TMPRSS9: variants seen among roughly 807,000 people sequenced by gnomAD.
TMPRSS9 encodes transmembrane serine protease 9.
A neutral mutation model predicts 111.4 loss-of-function variants in TMPRSS9; 113 were observed. That is an observed-to-expected ratio of 1.01 (90% CI 0.87 to 1.19). The LOEUF (loss-of-function observed/expected upper bound fraction) is 1.19. TMPRSS9 is among the 50% of genes most tolerant of loss of function. The probability of loss-of-function intolerance (pLI) is 0.00; values close to 1 mark genes in which losing one functional copy is unlikely to be tolerated. For synonymous variants in TMPRSS9, 805 were observed against 659.1 expected, an observed-to-expected ratio of 1.22 and a Z score of -3.39; for missense variants, 1,803 against 1,513.1, an observed-to-expected ratio of 1.19 and a Z score of -3.18.
chr19:2,366,856 CAAAAA>C (rs769704683), intron 1 of TMPRSS9, among the ~76,000 whole-genome samples: 1 of 61,340 alleles, frequency 1.6e-5, no homozygotes. Flanking sequence ...GACTCCATTT[CAAAAA>C]AAAAAAAAAA....
exon 16 of TMPRSS9, chr19:2,425,246 T>A (rs1206409609): frequency 7.2e-7 from 1 of 1,397,954 alleles, no homozygotes; most frequent in South Asian, 1.4e-5. Flanking sequence ...CATCACCGGC[T>A]GGGGCTCGGT....
At chr19:2,407,420 G>C (rs1172182510) in intron 7 of TMPRSS9, among the ~76,000 whole-genome samples, 1 of 151,542 alleles carries the variant, frequency 6.6e-6, no homozygotes, top group Non-Finnish European at 1.5e-5. Context: ...CCAGTTACTT[G>C]GGAGGCTGAG....
At chr19:2,395,204 G>A (rs1599290185) in intron 1 of TMPRSS9, among the ~76,000 whole-genome samples, 1 of 152,172 alleles carries the variant, frequency 6.6e-6, no homozygotes, top group Admixed American at 6.6e-5. Context: ...GATCACCTGA[G>A]GTCAGGAGTT....
At chr19:2,408,495 G>A (rs1220564974) in exon 8 of TMPRSS9, 12 of 1,613,798 alleles carry the variant, frequency 7.4e-6, no homozygotes, top group Non-Finnish European at 1.0e-5. Flanking sequence ...CTTTGACGTG[G>A]CTGTGCTGGA....
At chr19:2,417,754 C>T (rs571884592) in intron 12 of TMPRSS9, among the ~76,000 whole-genome samples, 1 of 152,286 alleles carries the variant, frequency 6.6e-6, no homozygotes, top group East Asian at 1.9e-4. Flanking sequence ...GAATGGCCTC[C>T]TACACCTTAC....
Position 2,406,073 on chromosome 19 carries a change from T to G in TMPRSS9, c.842+528T>G, listed in dbSNP as rs1455736214. 4.3e-5 allele frequency among the ~76,000 whole-genome samples: 5 copies of G among 116,732 alleles called. No individual in the cohort carries two copies. In the Admixed American group the frequency reaches 4.5e-4, roughly 11 times the overall value. The allele number at this position is 116,732 out of a possible 152,430, so 76.6% of individuals were successfully genotyped here. The stretch of plus-strand genomic sequence containing the variant: ...TCACCCAGGCTGGAGTGCAGTGGCG[T>G]GATCTCGGCTCACTGCAAGCTCCGC... On this transcript the variant is annotated intron_variant, in intron 7 of 17. Coordinates refer to ENST00000648592, the Ensembl canonical transcript of TMPRSS9.
At chr19:2,402,685 C>T (rs1412924973) in intron 5 of TMPRSS9, among the ~76,000 whole-genome samples, 1 of 152,142 alleles carries the variant, frequency 6.6e-6, no homozygotes, top group Non-Finnish European at 1.5e-5. Flanking sequence ...TTGCGGTGAG[C>T]CGCGATTGTG....
At position 2,418,291 on chromosome 19, in the gene TMPRSS9, C is replaced by CT. The variant is rs375154293; in HGVS notation, c.2154+156dup. Among the ~76,000 whole-genome samples the CT allele has an allele frequency of 4.3e-3, 312 of 71,802 alleles. 28 individuals carry two copies. Among genetic ancestry groups the CT allele is most frequent in the African/African-American group, 0.011 (146 of 13,800 alleles). The allele number at this position is 71,802 out of a possible 152,430, so 47.1% of individuals were successfully genotyped here. ...GTCCTTCCCTCCTTTTCCTTTCCTC[C>CT]TTTCCTTCCCTCCCTTTCCCTCCCT... On this transcript the variant is annotated intron_variant, in intron 13 of 17. Coordinates refer to ENST00000648592, the Ensembl canonical transcript of TMPRSS9.
At chr19:2,389,601 C>G (rs892418910), upstream of TMPRSS9, among the ~76,000 whole-genome samples, 3 of 152,082 alleles carry the variant, frequency 2.0e-5, no homozygotes, top group South Asian at 2.1e-4. Flanking sequence ...TTCCCGACCT[C>G]AAATCGTCCT....
chr19:2,425,493 G>A (rs763350375), exon 17 of TMPRSS9: 3 of 1,575,588 alleles, frequency 1.9e-6, no homozygotes, highest in Non-Finnish European at 2.6e-6. Flanking sequence ...ACAGCTGCTC[G>A]GTGAGCCCCG....
chr19:2,393,382 A>C (rs1204173081), intron 1 of TMPRSS9, among the ~76,000 whole-genome samples: 2 of 152,142 alleles, frequency 1.3e-5, no homozygotes, highest in Non-Finnish European at 2.9e-5. Flanking sequence ...GGGAAGGTCT[A>C]CAGCGTCACT....
In TMPRSS9 at chr19:2,371,993, C is replaced by T. The variant is rs144054550; in HGVS notation, c.-26+11633C>T. Reference sequence around the variant, plus strand: ...TCGGCTCACTGCAACCTCCGTCTCCCGGGTTCAAGCTGGGATTATAGGCGC... The same window carrying T: ...TCGGCTCACTGCAACCTCCGTCTCCTGGGTTCAAGCTGGGATTATAGGCGC... On this transcript the variant is annotated intron_variant, in intron 1 of 17. Transcript: ENST00000649857. Among the ~76,000 whole-genome samples the T allele has an allele frequency of 7.4e-4, 112 of 152,186 alleles. 1 individual carries two copies. The highest frequency in any genetic ancestry group is 2.4e-3 in the African/African-American group (100 of 41,516).
chr19:2,362,546 G>C (rs1051831401), intron 1 of TMPRSS9, among the ~76,000 whole-genome samples: 1 of 147,260 alleles, frequency 6.8e-6, no homozygotes, highest in Non-Finnish European at 1.5e-5. Flanking sequence ...TTTTGTGGAT[G>C]GCTTTGTGTG....
chr19:2,408,429 C>G lies in TMPRSS9; in HGVS notation c.916C>G (p.Arg306Gly), dbSNP rs142962468. 2.5e-6 allele frequency: 4 copies of G among 1,613,704 alleles called. No homozygotes were observed. The African/African-American group carries it at 5.3e-5, about 22-fold the overall frequency. The change falls in exon 8 of 18, where the codon CGG becomes GGG. Residue 306 changes from arginine to glycine, a missense_variant. Physicochemically the swap from Arg to Gly is moderately radical, Grantham distance 125 (BLOSUM62 -2). Transcript: ENST00000648592. ...CAGCGGCTCGGAGGCCAGCACCGTG[C>G]GGGCCCAGGTGGTCCAGATCGTCAA...
chr19:2,388,244 C>T (rs113279139), upstream of TMPRSS9, among the ~76,000 whole-genome samples: 122 of 152,028 alleles, frequency 8.0e-4, no homozygotes, highest in African/African-American at 2.9e-3. Flanking sequence ...ACTTAATTAG[C>T]TGGGCATAGT....
chr19:2,374,301 G>A (rs747785376), intron 1 of TMPRSS9, among the ~76,000 whole-genome samples: 3 of 129,426 alleles, frequency 2.3e-5, no homozygotes, highest in South Asian at 2.4e-4. Context: ...GGTAGGGCGC[G>A]GTGGCTCACG....
chr19:2,366,856 CAAAAAA>C lies in TMPRSS9; in HGVS notation c.-26+6511_-26+6516del, dbSNP rs769704683. ...TGGGCGACAGAGCGAGACTCCATTT[CAAAAAA>C]AAAAAAAAAAAAAAGACATGGGCCA... On this transcript the variant is annotated intron_variant, in intron 1 of 17. Transcript: ENST00000649857. Among the ~76,000 whole-genome samples, 3 of 61,342 alleles carry C rather than the reference CAAAAAA, an allele frequency of 4.9e-5. No homozygotes were observed. The Admixed American group carries it at 5.7e-4, about 12-fold the overall frequency. 40.2% of individuals were successfully genotyped at this position (61,342 alleles called of 152,430 possible).
intron 7 of TMPRSS9, among the ~76,000 whole-genome samples, chr19:2,405,876 T>G (rs544606026): frequency 7.4e-6 from 1 of 135,816 alleles, no homozygotes; most frequent in African/African-American, 2.8e-5. Context: ...TGTTGTATTT[T>G]TAGTAGAGAC....
chr19:2,378,200 C>A (rs1409519399), intron 1 of TMPRSS9, among the ~76,000 whole-genome samples: 5 of 152,136 alleles, frequency 3.3e-5, no homozygotes, highest in Non-Finnish European at 7.3e-5. Context: ...TTATAAATCA[C>A]CCAGTCTCAG....
Sources: allele counts gnomAD v4.1 joint callset (sites outside exome capture counted in the v4.1 genomes callset), GRCh38; gene constraint gnomAD v4.1.1; transcripts MANE v1.5; gene names NCBI Gene and HGNC (gene_info 2026-07-23, HGNC 2026-07-21).